The following PIEZO2 variants were observed in gnomAD, a reference collection of about 807,000 sequenced individuals.
PIEZO2 encodes piezo-type mechanosensitive ion channel component 2.
PIEZO2 carries 172 observed loss-of-function variants against 337.3 expected under a neutral mutation model. The observed-to-expected ratio is 0.51, with a 90% confidence interval of 0.45 to 0.58. PIEZO2 has a LOEUF of 0.58. Ranked by LOEUF, PIEZO2 falls within the 20% of genes least tolerant of loss-of-function variation. The pLI is 0.00. For missense variants in PIEZO2, 3,028 were observed against 3,391.3 expected, an observed-to-expected ratio of 0.89 and a Z score of 2.66; for synonymous variants, 1,251 against 1,228.5, an observed-to-expected ratio of 1.02 and a Z score of -0.38.
At chr18:10,737,973 C>T (rs1281301282) in intron 33 of PIEZO2, 2 of 152,166 alleles carry the variant, frequency 1.3e-5, no homozygotes, top group Non-Finnish European at 2.9e-5. Flanking sequence ...CCCACGATTT[C>T]AGAAAAATCT....
chr18:10,689,596 T>A, intron 49 of PIEZO2, 59 bp downstream of exon 49: 3 of 1,608,568 alleles, frequency 1.9e-6, no homozygotes, highest in South Asian at 2.2e-5. Context: ...ATTCATCTTA[T>A]AACCAGCCTG....
intron 12 of PIEZO2, 80 bp downstream of exon 12, chr18:10,797,294 T>C (rs1475253427): frequency 2.4e-6 from 3 of 1,238,016 alleles, no homozygotes; most frequent in South Asian, 3.0e-5. Context: ...TACCATCATA[T>C]TATACATACC....
chr18:10,802,443 T>TA (rs929887259), intron 9 of PIEZO2, among the ~76,000 whole-genome samples: 8 of 152,278 alleles, frequency 5.3e-5, no homozygotes, highest in Admixed American at 2.0e-4. Flanking sequence ...ATTAAAAATT[T>TA]AAAAAAACCC....
At chr18:10,866,367 C>T (rs910605737) in intron 5 of PIEZO2, among the ~76,000 whole-genome samples, 2 of 151,468 alleles carry the variant, frequency 1.3e-5, no homozygotes, top group Non-Finnish European at 2.9e-5. Flanking sequence ...CTCACTGCAA[C>T]CTCTGCCTCC....
intron 33 of PIEZO2, 123 bp downstream of exon 33, chr18:10,740,908 C>T (rs1034118804): frequency 1.9e-6 from 2 of 1,025,854 alleles, no homozygotes; most frequent in African/African-American, 1.6e-5. Context: ...ACACTCCGAC[C>T]CCCTATCAAG....
At position 11,069,968 on chromosome 18, in the gene PIEZO2, A is replaced by T. The variant is rs956331767; in HGVS notation, c.65-3746T>A. On this transcript the variant is annotated intron_variant, in intron 1 of 55. Coordinates refer to ENST00000674853, the MANE Select transcript of PIEZO2 (RefSeq NM_001378183.1). This position sits in a 1 kb window ranked among gnomAD's most constrained non-coding sequence, Gnocchi z 4.9. ...ATAAATCTAACCAAGGAGGTGAAAG[A>T]CCTATAAATGGAAGAATATAAAACA... Among the ~76,000 whole-genome samples, 32 of 152,376 alleles carry T rather than the reference A, an allele frequency of 2.1e-4. No individual in the cohort carries two copies. Among genetic ancestry groups the T allele is most frequent in the African/African-American group, 7.7e-4 (32 of 41,598 alleles).
chr18:11,027,060 G>C lies in PIEZO2; in HGVS notation c.160+39067C>G, dbSNP rs1440290152. 6.6e-6 allele frequency among the ~76,000 whole-genome samples: 1 copy of C among 152,226 alleles called. No homozygotes were observed. The highest frequency in any genetic ancestry group is 1.5e-5 in the Non-Finnish European group (1 of 68,040). ...TTTTATAAGCCAATTCATATGAAATGTCACAGAGCAGTCAATTCTAAACTG... is the reference window on the plus strand; with the variant it reads ...TTTTATAAGCCAATTCATATGAAATCTCACAGAGCAGTCAATTCTAAACTG... On this transcript the variant is annotated intron_variant, in intron 2 of 55. Coordinates refer to ENST00000674853, the MANE Select transcript of PIEZO2 (RefSeq NM_001378183.1). This position sits in a 1 kb window ranked among gnomAD's most constrained non-coding sequence, Gnocchi z 4.2.
At position 10,824,623 on chromosome 18, in the gene PIEZO2, T is replaced by C. The variant is rs1217724384; in HGVS notation, c.918-17349A>G. 6.6e-6 allele frequency among the ~76,000 whole-genome samples: 1 copy of C among 152,174 alleles called. No individual in the cohort carries two copies. The highest frequency in any genetic ancestry group is 1.5e-5 in the Non-Finnish European group (1 of 68,008). ...CCATCTATCTATATATCCATATCTA[T>C]ATTTGATATGAAACAAGTTCCAAGA... On this transcript the variant is annotated intron_variant, in intron 7 of 55. Transcript: ENST00000674853. The surrounding 1 kb of genome is among the most constrained non-coding windows in gnomAD (Gnocchi z 4.4).
In PIEZO2 at chr18:10,807,096, A is replaced by G. The variant is rs1422550330; in HGVS notation, c.1080+16T>C. 6.5e-7 allele frequency: 1 copy of G among 1,528,314 alleles called. No homozygotes were observed. Among genetic ancestry groups the G allele is most frequent in the South Asian group, 1.2e-5 (1 of 83,744 alleles). 94.7% of individuals were successfully genotyped at this position (1,528,314 alleles called of 1,614,324 possible). On this transcript the variant is annotated intron_variant, in intron 8 of 55. Transcript: ENST00000674853. ...TTACTTTGCAGACAAGATCATGAAA[A>G]TGTTTTTGTCCTTACAAGGGGCTCT...
At chr18:10,689,855 C>T in intron 48 of PIEZO2, 53 bp from the exon 49 acceptor site, 2 of 1,556,050 alleles carry the variant, frequency 1.3e-6, no homozygotes, top group South Asian at 2.5e-5. Flanking sequence ...CCCCCACCAC[C>T]CTGCTCACCC....
intron 1 of PIEZO2, among the ~76,000 whole-genome samples, chr18:11,107,893 C>T (rs764933680): frequency 2.6e-5 from 4 of 152,182 alleles, no homozygotes; most frequent in South Asian, 2.1e-4. Flanking sequence ...TGCTTGGCAA[C>T]GGCTTTAAGT....
In PIEZO2 at chr18:10,773,585, T is replaced by A. The variant is rs1011220317; in HGVS notation, c.2612A>T (p.His871Leu). ...CGGCTTCTCCAGGCTGGCAGTCAGATGCATCATGGTGAGGTCCGGGAGGCT... is the reference window on the plus strand; with the variant it reads ...CGGCTTCTCCAGGCTGGCAGTCAGAAGCATCATGGTGAGGTCCGGGAGGCT... ...EGSLPDLTMM[H>L]LTASLEKPEV... Residue 871 changes from histidine to leucine, a missense_variant, in exon 20 of 56, where the codon CAT (histidine) becomes CTT (leucine). Transcript: ENST00000674853. The surrounding 1 kb of genome is among the most constrained non-coding windows in gnomAD (Gnocchi z 5.3). 1.2e-5 allele frequency: 18 copies of A among 1,537,356 alleles called. No homozygotes were observed. Among genetic ancestry groups the A allele is most frequent in the Non-Finnish European group, 1.5e-5 (17 of 1,146,944 alleles).
chr18:10,825,238 C>A (rs2040634427), intron 7 of PIEZO2, among the ~76,000 whole-genome samples: 2 of 152,142 alleles, frequency 1.3e-5, no homozygotes, highest in South Asian at 2.1e-4. Flanking sequence ...TCTCTACGGG[C>A]ACCTCTAGGC....
At chr18:10,910,127 AAGAACTAGTCAAAACCTACTGTG>A (rs1337402157) in intron 4 of PIEZO2, among the ~76,000 whole-genome samples, 1 of 152,228 alleles carries the variant, frequency 6.6e-6, no homozygotes, top group Admixed American at 6.5e-5. Context: ...ATATGGTAAA[AAGAACTAGTCAAAACCTACTGTG>A]ACAGTAAAAT....
chr18:10,801,958 T>C (rs2039832586), intron 9 of PIEZO2, among the ~76,000 whole-genome samples: 1 of 151,188 alleles, frequency 6.6e-6, no homozygotes, highest in South Asian at 2.1e-4. Context: ...TCGTGGTGGG[T>C]GCTTGTAGTC....
At chr18:10,731,098 A>G (rs1332874647) in intron 36 of PIEZO2, among the ~76,000 whole-genome samples, 1 of 146,604 alleles carries the variant, frequency 6.8e-6, no homozygotes, top group East Asian at 2.0e-4. Flanking sequence ...TTTATTACTT[A>G]ATATCCATGT....
intron 1 of PIEZO2, among the ~76,000 whole-genome samples, chr18:11,114,832 C>T (rs1325410664): frequency 2.6e-5 from 4 of 152,030 alleles, no homozygotes. Flanking sequence ...TCTGAATCAT[C>T]AAATAAACAC....
At chr18:10,955,069 A>T (rs1335221064) in intron 3 of PIEZO2, among the ~76,000 whole-genome samples, 1 of 152,164 alleles carries the variant, frequency 6.6e-6, no homozygotes, top group African/African-American at 2.4e-5. Flanking sequence ...AAAGGAAGAA[A>T]GAGGAGGCAA....
intron 2 of PIEZO2, among the ~76,000 whole-genome samples, chr18:11,030,264 A>G (rs1198473808): frequency 6.6e-6 from 1 of 152,228 alleles, no homozygotes; most frequent in African/African-American, 2.4e-5. Flanking sequence ...CTATAGTGAA[A>G]TTTATTCCTC....
Sources: gnomAD v4.1 joint callset for allele counts (sites outside exome capture counted in the v4.1 genomes callset) on GRCh38, gnomAD v4.1.1 for gene constraint, Gnocchi (gnomAD v3.1) non-coding constraint, MANE v1.5 for transcripts, NCBI Gene and HGNC (gene_info 2026-07-23, HGNC 2026-07-21) for gene names.